The following GRID2 variants were observed in gnomAD, a reference collection of about 807,000 sequenced individuals.
The protein encoded by GRID2 is glutamate ionotropic receptor delta type subunit 2, also known as glutamate receptor ionotropic, delta-2.
A neutral mutation model predicts 114.8 loss-of-function variants in GRID2; 33 were observed. That is an observed-to-expected ratio of 0.29 (90% CI 0.22 to 0.38). The LOEUF (loss-of-function observed/expected upper bound fraction) is 0.38. GRID2 is among the 10% of genes least tolerant of loss of function. GRID2 has a pLI of 1.00. For missense variants in GRID2, 1,184 were observed against 1,257.7 expected (o/e 0.94, Z 0.89); for synonymous variants, 505 against 449.9 (o/e 1.12, Z -1.55).
chr4:93,228,151 C>G (rs1481787185), intron 7 of GRID2, among the ~76,000 whole-genome samples: 1 of 152,140 alleles, frequency 6.6e-6, no homozygotes, highest in African/African-American at 2.4e-5. Context: ...GATTTGTCTT[C>G]TGCTGCTAGA....
intron 1 of GRID2, among the ~76,000 whole-genome samples, chr4:92,383,797 G>T (rs1729733704): frequency 6.6e-6 from 1 of 151,728 alleles, no homozygotes; most frequent in Non-Finnish European, 1.5e-5. Flanking sequence ...CAGTCAGTTG[G>T]CTCCCAAATA....
At chr4:93,032,467 A>G (rs947101614) in intron 2 of GRID2, among the ~76,000 whole-genome samples, 2 of 152,144 alleles carry the variant, frequency 1.3e-5, no homozygotes, top group African/African-American at 4.8e-5. Context: ...TTGCAGAGCA[A>G]CCTAAAAGCA....
chr4:93,409,574 AAGAG>A (rs971218278), intron 9 of GRID2, among the ~76,000 whole-genome samples: 11 of 150,312 alleles, frequency 7.3e-5, no homozygotes, highest in Non-Finnish European at 1.6e-4. Context: ...GTATAGTAGA[AAGAG>A]AGAAAGAGAA....
intron 8 of GRID2, among the ~76,000 whole-genome samples, chr4:93,359,097 A>T (rs1321128568): frequency 2.6e-5 from 4 of 152,062 alleles, no homozygotes; most frequent in African/African-American, 9.7e-5. Flanking sequence ...AAGTCACCTA[A>T]GATAGCTGAT....
intron 8 of GRID2, among the ~76,000 whole-genome samples, chr4:93,380,075 A>G (rs539114462): frequency 6.6e-6 from 1 of 152,264 alleles, no homozygotes; most frequent in African/African-American, 2.4e-5. Flanking sequence ...TGGAACATGT[A>G]AATGTGATCA....
intron 2 of GRID2, among the ~76,000 whole-genome samples, chr4:92,799,714 C>T (rs985514517): frequency 6.6e-6 from 1 of 151,976 alleles, no homozygotes; most frequent in Non-Finnish European, 1.5e-5. Flanking sequence ...AAATACAAAA[C>T]AGATACAGCA....
At chr4:92,509,685 G>A (rs2149130434) in intron 1 of GRID2, among the ~76,000 whole-genome samples, 1 of 152,010 alleles carries the variant, frequency 6.6e-6, no homozygotes, top group Middle Eastern at 3.4e-3. Context: ...TGGTTGAAAA[G>A]GGCATTTCTT....
chr4:92,335,144 G>C (rs1041117649), intron 1 of GRID2, among the ~76,000 whole-genome samples: 5 of 152,092 alleles, frequency 3.3e-5, no homozygotes, highest in Non-Finnish European at 5.9e-5. Context: ...AAAGAACTGT[G>C]GTCTAAGAAA....
intron 2 of GRID2, among the ~76,000 whole-genome samples, chr4:92,653,350 T>C (rs2149263682): frequency 6.7e-6 from 1 of 149,568 alleles, no homozygotes; most frequent in African/African-American, 2.5e-5. Flanking sequence ...TGTGTGTGTT[T>C]GTGTGTTTGT....
intron 2 of GRID2, among the ~76,000 whole-genome samples, chr4:92,895,592 A>C (rs2149474612): frequency 6.6e-6 from 1 of 151,996 alleles, no homozygotes; most frequent in African/African-American, 2.4e-5. Flanking sequence ...ACCAGTAATA[A>C]AACAAGCTGT....
At chr4:93,592,740 C>G (rs1288447658) in intron 13 of GRID2, among the ~76,000 whole-genome samples, 1 of 152,168 alleles carries the variant, frequency 6.6e-6, no homozygotes, top group Non-Finnish European at 1.5e-5. Context: ...TCTGGGTGCT[C>G]ATGTATTGGG....
chr4:92,777,113 C>G (rs1738845464), intron 2 of GRID2, among the ~76,000 whole-genome samples: 1 of 151,524 alleles, frequency 6.6e-6, no homozygotes, highest in Admixed American at 6.6e-5. Context: ...ATCCGAGATA[C>G]TAGAGAAGAG....
chr4:93,741,790 G>A (rs182313597), intron 14 of GRID2, among the ~76,000 whole-genome samples: 1 of 152,152 alleles, frequency 6.6e-6, no homozygotes, highest in East Asian at 1.9e-4. Context: ...TGGGCATGGT[G>A]GTGCACGCCT....
intron 1 of GRID2, among the ~76,000 whole-genome samples, chr4:92,495,868 A>G (rs1723365303): frequency 6.6e-6 from 1 of 151,894 alleles, no homozygotes; most frequent in Admixed American, 6.6e-5. Flanking sequence ...CTCTAGTGAG[A>G]TCGGAAAGAT....
chr4:92,782,899 T>C (rs1739151787), intron 2 of GRID2, among the ~76,000 whole-genome samples: 1 of 152,018 alleles, frequency 6.6e-6, no homozygotes, highest in African/African-American at 2.4e-5. Context: ...GGAAATTTTA[T>C]AGGGAAACTT....
intron 2 of GRID2, among the ~76,000 whole-genome samples, chr4:92,760,900 C>G: frequency 6.6e-6 from 1 of 152,082 alleles, no homozygotes; most frequent in Non-Finnish European, 1.5e-5. Flanking sequence ...TTTGTTGTGA[C>G]TAATATTCAT....
chr4:92,420,288 A>G (rs886576382), intron 1 of GRID2, among the ~76,000 whole-genome samples: 3 of 152,186 alleles, frequency 2.0e-5, no homozygotes, highest in African/African-American at 7.2e-5. Flanking sequence ...AATTATTACC[A>G]TAAACTTTTA....
intron 13 of GRID2, among the ~76,000 whole-genome samples, chr4:93,517,866 A>G (rs564445597): frequency 6.6e-6 from 1 of 151,142 alleles, no homozygotes; most frequent in South Asian, 2.1e-4. Context: ...CACTTCTTCT[A>G]TAATATCTTG....
At chr4:93,742,794 C>T (rs1731529843) in intron 14 of GRID2, among the ~76,000 whole-genome samples, 1 of 152,148 alleles carries the variant, frequency 6.6e-6, no homozygotes, top group African/African-American at 2.4e-5. Flanking sequence ...TCTCCTCTGG[C>T]CCTCCTGTTT....
Sources: allele counts gnomAD v4.1 joint callset (sites outside exome capture counted in the v4.1 genomes callset), GRCh38; gene constraint gnomAD v4.1.1; transcripts MANE v1.5; gene names NCBI Gene and HGNC (gene_info 2026-07-23, HGNC 2026-07-21).